Variants in CDH8 observed in about 807,000 individuals in gnomAD.
The protein encoded by CDH8 is cadherin-8.
Under a neutral mutation model 68.1 loss-of-function variants are expected in CDH8, and 17 were observed. That is an observed-to-expected ratio of 0.25 (90% confidence interval 0.17 to 0.37). The LOEUF is 0.37. Among genes scored for constraint, CDH8 ranks in the 10% least tolerant of loss-of-function variants. The probability of loss-of-function intolerance (pLI) is 1.00; values close to 1 mark genes in which losing one functional copy is unlikely to be tolerated. For synonymous variants in CDH8, 372 were observed against 365.1 expected (o/e 1.02, Z -0.21); for missense variants, 763 against 999.3 (o/e 0.76, Z 3.19).
chr16:61,796,109 CAT>C (rs1478960779), intron 7 of CDH8, among the ~76,000 whole-genome samples: 1 of 149,334 alleles, frequency 6.7e-6, no homozygotes, highest in Non-Finnish European at 1.5e-5. Flanking sequence ...TTGTGTGAAA[CAT>C]AGTACTAAAA....
intron 3 of CDH8, among the ~76,000 whole-genome samples, chr16:61,884,267 T>C (rs751039805): frequency 4.6e-5 from 7 of 152,180 alleles, no homozygotes; most frequent in Non-Finnish European, 1.0e-4. Flanking sequence ...ACTCCTTCTC[T>C]TCCTCCTCCT....
chr16:61,825,290 A>C, intron 4 of CDH8, 111 bp from the exon 5 acceptor site: 1 of 758,752 alleles, frequency 1.3e-6, no homozygotes, highest in South Asian at 2.1e-5. Context: ...GTCCCTAGTC[A>C]GATAATTTTC....
chr16:61,875,184 C>CTT lies in CDH8; in HGVS notation c.548-17948_548-17947dup, dbSNP rs149789155. On this transcript the variant is annotated intron_variant, in intron 3 of 11. Transcript: ENST00000577390. ...TTAATTCCTTAATATGTCAACATTA[C>CTT]TTTTTTTTTTCACATAAAATAGCTT... is the stretch of plus-strand genomic sequence containing the variant. 4.0e-5 allele frequency among the ~76,000 whole-genome samples: 6 copies of CTT among 149,812 alleles called. No homozygotes were observed. The South Asian group carries it at 1.3e-3, about 32-fold the overall frequency.
rs1051500194 is a variant in CDH8 at position 61,967,438 on chromosome 16, T to C, written c.252+53714A>G. ...GGATTAAAATATTCTTATTGCAGGT[T>C]GAGTGTCCCTTATCTGAAATGCTTA... On this transcript the variant is annotated intron_variant, in intron 2 of 11. Coordinates refer to ENST00000577390, the MANE Select transcript of CDH8 (RefSeq NM_001796.5). Among the ~76,000 whole-genome samples, 3 of 152,194 alleles carry C rather than the reference T, an allele frequency of 2.0e-5. No homozygotes were observed. The South Asian group carries it at 6.2e-4, about 31-fold the overall frequency.
intron 4 of CDH8, among the ~76,000 whole-genome samples, chr16:61,848,378 T>C (rs1382063512): frequency 6.6e-6 from 1 of 152,130 alleles, no homozygotes; most frequent in Non-Finnish European, 1.5e-5. Context: ...TCTTTGACTC[T>C]AGCTATGGTC....
intron 7 of CDH8, among the ~76,000 whole-genome samples, chr16:61,817,163 A>G (rs534188813): frequency 6.6e-6 from 1 of 152,314 alleles, no homozygotes; most frequent in South Asian, 2.1e-4. Flanking sequence ...AAACATAAAA[A>G]TAACAAGATC....
At chr16:61,801,774 G>A (rs188663575) in intron 7 of CDH8, among the ~76,000 whole-genome samples, 5 of 152,318 alleles carry the variant, frequency 3.3e-5, no homozygotes, top group African/African-American at 9.6e-5. Flanking sequence ...AAAAAGCGGC[G>A]AACCATGAGA....
At chr16:61,755,785 TTCTCC>T (rs1245622846) in intron 8 of CDH8, among the ~76,000 whole-genome samples, 8 of 145,406 alleles carry the variant, frequency 5.5e-5, no homozygotes, top group Middle Eastern at 3.6e-3. Context: ...CTCCTTCTCC[TTCTCC>T]GCCTTCTTCT....
intron 10 of CDH8, among the ~76,000 whole-genome samples, chr16:61,666,660 C>T (rs1045089409): frequency 1.3e-5 from 2 of 151,852 alleles, no homozygotes; most frequent in Non-Finnish European, 2.9e-5. Context: ...TGTTGCCTGA[C>T]ATTTGACTTG....
At chr16:61,759,669 T>G (rs1156622139) in intron 8 of CDH8, among the ~76,000 whole-genome samples, 1 of 152,164 alleles carries the variant, frequency 6.6e-6, no homozygotes, top group Non-Finnish European at 1.5e-5. Context: ...TTATCCTTAT[T>G]CTATTCCCCC....
intron 3 of CDH8, among the ~76,000 whole-genome samples, chr16:61,895,107 A>G (rs886661262): frequency 6.6e-6 from 1 of 152,184 alleles, no homozygotes; most frequent in African/African-American, 2.4e-5. Context: ...TGAAAATTAT[A>G]TAATACCTCC....
chr16:61,842,400 T>C (rs1962706739), intron 4 of CDH8, among the ~76,000 whole-genome samples: 1 of 152,126 alleles, frequency 6.6e-6, no homozygotes. Flanking sequence ...CTGTTTTGTC[T>C]CTCCCTCTTG....
At chr16:61,744,604 T>A (rs957974371) in intron 8 of CDH8, among the ~76,000 whole-genome samples, 1 of 151,910 alleles carries the variant, frequency 6.6e-6, no homozygotes, top group Non-Finnish European at 1.5e-5. Context: ...TAAATGTTTT[T>A]TAAAATCAGT....
At chr16:61,906,804 G>A (rs1230831003) in intron 2 of CDH8, among the ~76,000 whole-genome samples, 2 of 152,132 alleles carry the variant, frequency 1.3e-5, no homozygotes, top group Non-Finnish European at 2.9e-5. Context: ...TATTCCCAGG[G>A]CCCTAAAATC....
intron 3 of CDH8, among the ~76,000 whole-genome samples, chr16:61,879,055 GA>G (rs932106663): frequency 1.4e-4 from 21 of 151,958 alleles, no homozygotes; most frequent in African/African-American, 5.1e-4. Flanking sequence ...ATAATGCCAG[GA>G]AAAAATAAAA....
chr16:61,757,532 T>G (rs1376048355), intron 8 of CDH8, among the ~76,000 whole-genome samples: 2 of 152,226 alleles, frequency 1.3e-5, no homozygotes, highest in African/African-American at 4.8e-5. Flanking sequence ...TACCTTTCAC[T>G]GAAAGATAGG....
intron 3 of CDH8, among the ~76,000 whole-genome samples, chr16:61,896,420 C>A (rs901793987): frequency 1.3e-5 from 2 of 152,184 alleles, no homozygotes; most frequent in Admixed American, 6.5e-5. Flanking sequence ...ACTTTCTGCA[C>A]AATGAAATCC....
chr16:61,987,200 C>T (rs1385196854), intron 2 of CDH8, among the ~76,000 whole-genome samples: 2 of 152,102 alleles, frequency 1.3e-5, no homozygotes, highest in Non-Finnish European at 2.9e-5. Context: ...AGTCTTCACT[C>T]AGTCTTTAAA....
intron 7 of CDH8, among the ~76,000 whole-genome samples, chr16:61,795,278 G>A (rs1220427703): frequency 6.6e-6 from 1 of 151,980 alleles, no homozygotes; most frequent in Non-Finnish European, 1.5e-5. Flanking sequence ...ATCATGATTT[G>A]AGGTAGAAAT....
Sources: allele counts gnomAD v4.1 joint callset (sites outside exome capture counted in the v4.1 genomes callset), GRCh38; gene constraint gnomAD v4.1.1; transcripts MANE v1.5; gene names NCBI Gene and HGNC (gene_info 2026-07-23, HGNC 2026-07-21).